Variants in GPR39 observed in about 807,000 individuals in gnomAD.
The protein encoded by GPR39 is zinc sensing receptor.
Under a neutral mutation model 18.4 loss-of-function variants are expected in GPR39, and 23 were observed. That is an observed-to-expected ratio of 1.25 (90% CI 0.90 to 1.77). GPR39 has a LOEUF of 1.77. GPR39 is among the 40% of genes most tolerant of loss of function. The pLI, the probability that GPR39 is intolerant of heterozygous loss-of-function variation, is 0.00. For synonymous variants in GPR39, 280 were observed against 257.9 expected (o/e 1.09, Z -0.82); for missense variants, 647 against 602.4 (o/e 1.07, Z -0.78).
intron 1 of GPR39, among the ~76,000 whole-genome samples, chr2:132,639,072 C>T (rs1558867436): frequency 6.6e-6 from 1 of 151,968 alleles, no homozygotes; most frequent in Admixed American, 6.6e-5. Context: ...GTTTATCCAG[C>T]TCTTGTTGCT....
intron 1 of GPR39, among the ~76,000 whole-genome samples, chr2:132,514,893 C>G (rs1408175350): frequency 6.6e-6 from 1 of 152,206 alleles, no homozygotes; most frequent in Non-Finnish European, 1.5e-5. Context: ...TCTTAATACT[C>G]TAGCCCTATT....
intron 1 of GPR39, among the ~76,000 whole-genome samples, chr2:132,440,917 C>T (rs1283834552): frequency 6.6e-6 from 1 of 152,130 alleles, no homozygotes; most frequent in Admixed American, 6.5e-5. Flanking sequence ...AGCAGTCCTG[C>T]CCCACATTCC....
Position 132,493,451 on chromosome 2 carries a change from CACACCATATATATAT to C in GPR39, c.856+75570_856+75584del, listed in dbSNP as rs1558815399. ...CATATATACACACACCATATATATA[CACACCATATATATAT>C]ACACCATATATATATATACACCATA... On this transcript the variant is annotated intron_variant, in intron 1 of 1. Coordinates refer to ENST00000329321, the MANE Select transcript of GPR39 (RefSeq NM_001508.3). Among the ~76,000 whole-genome samples, 8 of 145,110 alleles carry C rather than the reference CACACCATATATATAT, an allele frequency of 5.5e-5. No individual in the cohort carries two copies. In the East Asian group the frequency reaches 1.4e-3, roughly 26 times the overall value.
intron 1 of GPR39, among the ~76,000 whole-genome samples, chr2:132,470,423 C>T (rs150204405): frequency 7.0e-4 from 107 of 152,090 alleles, no homozygotes; most frequent in African/African-American, 2.5e-3. Flanking sequence ...GGCTGAGGGA[C>T]CATGGTGGTG....
chr2:132,580,759 C>T (rs1412669495), intron 1 of GPR39, among the ~76,000 whole-genome samples: 1 of 151,990 alleles, frequency 6.6e-6, no homozygotes, highest in Non-Finnish European at 1.5e-5. Context: ...GTCGAGAGTT[C>T]AAGAGCAGCC....
intron 1 of GPR39, among the ~76,000 whole-genome samples, chr2:132,479,510 G>A (rs1681191974): frequency 6.6e-6 from 1 of 152,152 alleles, no homozygotes. Context: ...TAGCTGGTGT[G>A]GTTATAAAGA....
intron 1 of GPR39, among the ~76,000 whole-genome samples, chr2:132,518,141 A>G (rs1455362662): frequency 6.6e-6 from 1 of 152,242 alleles, no homozygotes; most frequent in Non-Finnish European, 1.5e-5. Context: ...AAAATATGTT[A>G]TGACCTAGCA....
chr2:132,636,244 C>A (rs1323667760), intron 1 of GPR39, among the ~76,000 whole-genome samples: 1 of 152,176 alleles, frequency 6.6e-6, no homozygotes, highest in African/African-American at 2.4e-5. Context: ...GACGGTTCAG[C>A]TGTAAAAAAG....
intron 1 of GPR39, among the ~76,000 whole-genome samples, chr2:132,433,239 A>T (rs923165661): frequency 6.6e-6 from 1 of 152,220 alleles, no homozygotes; most frequent in Non-Finnish European, 1.5e-5. Context: ...ACATGGTGCC[A>T]TTTGCAGTTG....
chr2:132,638,898 A>G (rs1316817367), intron 1 of GPR39, among the ~76,000 whole-genome samples: 1 of 149,838 alleles, frequency 6.7e-6, no homozygotes, highest in African/African-American at 2.4e-5. Context: ...GTCCCCACCC[A>G]CCCTTTTGTT....
At chr2:132,609,223 G>A (rs72985821) in intron 1 of GPR39, among the ~76,000 whole-genome samples, 3 of 152,308 alleles carry the variant, frequency 2.0e-5, no homozygotes, top group African/African-American at 7.2e-5. Flanking sequence ...GAAAGGAAGA[G>A]GTAGGTTTCT....
chr2:132,563,344 T>C (rs2104805842), intron 1 of GPR39, among the ~76,000 whole-genome samples: 1 of 152,268 alleles, frequency 6.6e-6, no homozygotes, highest in East Asian at 1.9e-4. Context: ...GTGGGATGGC[T>C]TTTCCCTGAA....
At chr2:132,609,707 C>T (rs1266818054) in intron 1 of GPR39, among the ~76,000 whole-genome samples, 2 of 152,196 alleles carry the variant, frequency 1.3e-5, no homozygotes, top group Non-Finnish European at 2.9e-5. Flanking sequence ...GGGGCCTTGT[C>T]ACTGCTGTCT....
chr2:132,524,418 A>G (rs887267224), intron 1 of GPR39, among the ~76,000 whole-genome samples: 1 of 152,218 alleles, frequency 6.6e-6, no homozygotes, highest in African/African-American at 2.4e-5. Context: ...ATTGCTCTGC[A>G]GAGAGTGAGG....
At chr2:132,440,927 C>T (rs1481057967) in intron 1 of GPR39, among the ~76,000 whole-genome samples, 1 of 152,084 alleles carries the variant, frequency 6.6e-6, no homozygotes, top group Non-Finnish European at 1.5e-5. Context: ...CCCCACATTC[C>T]CTCCAGCCTA....
chr2:132,603,562 G>A (rs1457639637), intron 1 of GPR39, among the ~76,000 whole-genome samples: 5 of 152,248 alleles, frequency 3.3e-5, no homozygotes, highest in African/African-American at 1.2e-4. Context: ...TGTTTGAGGT[G>A]ATAAGCATGC....
At chr2:132,538,692 C>T (rs1297459653) in intron 1 of GPR39, among the ~76,000 whole-genome samples, 1 of 152,136 alleles carries the variant, frequency 6.6e-6, no homozygotes, top group Non-Finnish European at 1.5e-5. Context: ...GTGCTCTGTC[C>T]CAGGGAGATG....
chr2:132,563,419 CA>C (rs1379600393), intron 1 of GPR39, among the ~76,000 whole-genome samples: 1 of 152,188 alleles, frequency 6.6e-6, no homozygotes, highest in Admixed American at 6.5e-5. Flanking sequence ...CTCGTGTCTA[CA>C]AAAACTAGCT....
At chr2:132,469,661 C>A (rs1262453283) in intron 1 of GPR39, among the ~76,000 whole-genome samples, 1 of 152,176 alleles carries the variant, frequency 6.6e-6, no homozygotes, top group Non-Finnish European at 1.5e-5. Flanking sequence ...CTGCCCCAGA[C>A]AGTGCAATCA....
Sources: allele counts gnomAD v4.1 joint callset (sites outside exome capture counted in the v4.1 genomes callset), GRCh38; gene constraint gnomAD v4.1.1; transcripts MANE v1.5; gene names NCBI Gene and HGNC (gene_info 2026-07-23, HGNC 2026-07-21).